Variants in RARB observed in about 807,000 individuals in gnomAD.
RARB encodes HBV-activated protein.
RARB carries 17 observed loss-of-function variants against 51.9 expected under a neutral mutation model. That is an observed-to-expected ratio of 0.33 (90% CI 0.22 to 0.49). The LOEUF (loss-of-function observed/expected upper bound fraction) is 0.49, where lower values mean the gene tolerates loss of function less well. Ranked by LOEUF, RARB falls within the 20% of genes least tolerant of loss-of-function variation. The probability of loss-of-function intolerance (pLI) is 0.99; values close to 1 mark genes in which losing one functional copy is unlikely to be tolerated. For missense variants in RARB, 369 were observed against 550.8 expected (o/e 0.67, Z 3.30); for synonymous variants, 215 against 195.4 (o/e 1.10, Z -0.84).
intron 3 of RARB, among the ~76,000 whole-genome samples, chr3:25,064,760 C>G (rs566514328): frequency 7.9e-5 from 12 of 152,158 alleles, no homozygotes; most frequent in Non-Finnish European, 1.5e-4. Context: ...CCACTAGACT[C>G]AGAGCCCCAC....
intron 5 of RARB, among the ~76,000 whole-genome samples, chr3:25,334,864 A>G (rs1453142218): frequency 6.6e-6 from 1 of 152,200 alleles, no homozygotes; most frequent in African/African-American, 2.4e-5. Flanking sequence ...TTTAAAAGAA[A>G]TATTCATCAT....
chr3:24,838,029 T>C (rs964712263), intron 1 of RARB, among the ~76,000 whole-genome samples: 2 of 152,226 alleles, frequency 1.3e-5, no homozygotes, highest in Non-Finnish European at 2.9e-5. Flanking sequence ...GAGAAGATTT[T>C]GCCTTCAGAT....
intron 5 of RARB, among the ~76,000 whole-genome samples, chr3:25,284,951 A>G (rs900537238): frequency 6.6e-6 from 1 of 152,198 alleles, no homozygotes; most frequent in Non-Finnish European, 1.5e-5. Flanking sequence ...TGCAGTTACC[A>G]AATGTCCTTA....
rs141012851 is a variant in RARB, at chr3:25,100,579, T to G, written c.-327-31582T>G. Among the ~76,000 whole-genome samples, 465 of 152,312 alleles carry G rather than the reference T, an allele frequency of 3.1e-3. 1 individual carries two copies. Among genetic ancestry groups the G allele is most frequent in the African/African-American group, 0.011 (454 of 41,560 alleles). On this transcript the variant is annotated intron_variant, in intron 3 of 11. Transcript: ENST00000383772. ...AGTATAACTAAGCAAATAGGTTCAT[T>G]TATTTTATGTTTCCACTGATCTGAA...
rs554564722 is a variant in RARB at position 24,937,309 on chromosome 3, T to C, written c.-380+78557T>C. Among the ~76,000 whole-genome samples, 21 of 152,310 alleles carry C rather than the reference T, an allele frequency of 1.4e-4. 1 individual carries two copies. In the South Asian group the frequency reaches 3.7e-3, roughly 27 times the overall value. On this transcript the variant is annotated intron_variant, in intron 2 of 11. Transcript: ENST00000383772. ...ATGTATGTTAGAGAATTCGCTTCTA[T>C]GTGGAGTGCAGTATGCTGGAGAGGG...
chr3:25,221,613 T>C (rs1033570632), intron 5 of RARB, among the ~76,000 whole-genome samples: 1 of 151,360 alleles, frequency 6.6e-6, no homozygotes, highest in Non-Finnish European at 1.5e-5. Flanking sequence ...AATCTGTCAT[T>C]ATGAAGATAC....
intron 2 of RARB, among the ~76,000 whole-genome samples, chr3:25,482,521 ATTTTTTTTTTTTT>A (rs71087718): frequency 9.1e-5 from 6 of 65,788 alleles, no homozygotes; most frequent in African/African-American, 3.5e-4. Context: ...TAGCAGCCAA[ATTTTTTTTTTTTT>A]TTTTTTTTTT....
At chr3:25,428,208 A>G (rs1441186000), upstream of RARB, 2 of 1,222,226 alleles carry the variant, frequency 1.6e-6, no homozygotes, top group East Asian at 3.2e-5. Flanking sequence ...CAGCCCGGGT[A>G]GGGTTCACCG....
chr3:25,093,935 A>T (rs180973329), intron 3 of RARB, among the ~76,000 whole-genome samples: 1 of 152,274 alleles, frequency 6.6e-6, no homozygotes, highest in African/African-American at 2.4e-5. Context: ...GATTTGAGTC[A>T]TAATAAAACA....
intron 2 of RARB, among the ~76,000 whole-genome samples, chr3:24,933,431 T>C (rs1695483572): frequency 6.6e-6 from 1 of 152,138 alleles, no homozygotes; most frequent in Admixed American, 6.6e-5. Flanking sequence ...CAAGAAATTT[T>C]TCAAGAAGTC....
intron 5 of RARB, among the ~76,000 whole-genome samples, chr3:25,361,453 A>G (rs527975294): frequency 2.0e-5 from 3 of 152,228 alleles, no homozygotes; most frequent in Non-Finnish European, 4.4e-5. Context: ...GGAGTTTGTT[A>G]TTACCCACTT....
At chr3:25,147,434 G>A (rs1700210916) in intron 4 of RARB, among the ~76,000 whole-genome samples, 1 of 152,146 alleles carries the variant, frequency 6.6e-6, no homozygotes, top group Admixed American at 6.5e-5. Flanking sequence ...TTCTTCTAGA[G>A]TAGAGATTTT....
At position 25,569,912 on chromosome 3, in the gene RARB, C is replaced by T. The variant is rs149559768; in HGVS notation, c.603C>T (p.Tyr201=). 5.0e-6 allele frequency: 8 copies of T among 1,613,666 alleles called. No homozygotes were observed. In the East Asian group the frequency reaches 1.6e-4, roughly 31 times the overall value. Residue 201 remains tyrosine (Y), a synonymous_variant, in exon 4 of 8, where the codon TAC becomes TAT. Coordinates refer to ENST00000330688, the MANE Select transcript of RARB (RefSeq NM_000965.5). The part of the protein sequence containing the change: ...TFPSLCQLGK[Y]TTNSSADHRV... ...CTTCACTCTGCCAGCTGGGTAAATACACCACGGTAAGAGATACTCCTGCCC... is the reference window on the plus strand; with the variant it reads ...CTTCACTCTGCCAGCTGGGTAAATATACCACGGTAAGAGATACTCCTGCCC...
chr3:25,159,568 AT>A (rs1700442332), intron 4 of RARB, among the ~76,000 whole-genome samples: 2 of 152,140 alleles, frequency 1.3e-5, no homozygotes, highest in Admixed American at 1.3e-4. Context: ...TTGGAAATAT[AT>A]TCTGGTTGAT....
intron 5 of RARB, among the ~76,000 whole-genome samples, chr3:25,250,857 C>T (rs536337341): frequency 6.6e-6 from 1 of 152,262 alleles, no homozygotes; most frequent in Middle Eastern, 3.4e-3. Context: ...TAAGAGACTC[C>T]ACAGTGGCTA....
intron 3 of RARB, among the ~76,000 whole-genome samples, chr3:25,125,452 C>T (rs1051866617): frequency 1.3e-5 from 2 of 152,060 alleles, no homozygotes; most frequent in African/African-American, 4.8e-5. Flanking sequence ...TGCAGCGTGT[C>T]TTAAGTGCTA....
chr3:24,829,783 C>T (rs1343674391), intron 1 of RARB, among the ~76,000 whole-genome samples: 1 of 152,224 alleles, frequency 6.6e-6, no homozygotes, highest in Non-Finnish European at 1.5e-5. Context: ...TGGCAAGTTG[C>T]ACCTGCCAGC....
chr3:25,593,465 A>T (rs376040141), intron 5 of RARB, 38 bp from the exon 6 acceptor site: 6 of 1,556,932 alleles, frequency 3.9e-6, no homozygotes, highest in Non-Finnish European at 4.4e-6. Context: ...TCAGGACAGG[A>T]TGGCTTAGAA....
intron 4 of RARB, among the ~76,000 whole-genome samples, chr3:25,162,022 C>A (rs1700481320): frequency 6.6e-6 from 1 of 152,170 alleles, no homozygotes; most frequent in Non-Finnish European, 1.5e-5. Flanking sequence ...TCAGCAGAAC[C>A]TGTGTGGACT....
Sources: gnomAD v4.1 joint callset for allele counts (sites outside exome capture counted in the v4.1 genomes callset) on GRCh38, gnomAD v4.1.1 for gene constraint, MANE v1.5 for transcripts, NCBI Gene and HGNC (gene_info 2026-07-23, HGNC 2026-07-21) for gene names.